The following CDC42BPB variants were observed in gnomAD, a reference collection of about 807,000 sequenced individuals.
CDC42BPB encodes CDC42 binding protein kinase beta.
A neutral mutation model predicts 214.9 loss-of-function variants in CDC42BPB; 37 were observed. The ratio of observed to expected loss-of-function variants is 0.17; its 90% CI spans 0.13 to 0.23. The LOEUF (loss-of-function observed/expected upper bound fraction) is 0.23. CDC42BPB is among the 10% of genes least tolerant of loss of function. The pLI, the probability that CDC42BPB is intolerant of heterozygous loss-of-function variation, is 1.00. For synonymous variants in CDC42BPB, 931 were observed against 884.0 expected, an observed-to-expected ratio of 1.05 and a Z score of -0.94; for missense variants, 1,694 against 2,227.0, an observed-to-expected ratio of 0.76 and a Z score of 4.82.
intron 28 of CDC42BPB, 120 bp downstream of exon 28, chr14:102,946,348 G>C: frequency 9.0e-7 from 1 of 1,109,758 alleles, no homozygotes; most frequent in Non-Finnish European, 1.3e-6. Flanking sequence ...CATGCATGGA[G>C]AAACTGTCTA....
At chr14:103,022,222 C>T (rs142705425) in intron 1 of CDC42BPB, among the ~76,000 whole-genome samples, 2,926 of 152,262 alleles carry the variant, frequency 0.019, 38 homozygotes, top group South Asian at 0.054. Flanking sequence ...CAGGAATTAC[C>T]TACTGGCTTT....
rs767221869 is a variant in CDC42BPB at position 102,968,513 on chromosome 14, G to C, written c.2199C>G (p.Ile733Met). 1 of 1,614,142 alleles carries C rather than the reference G, an allele frequency of 6.2e-7. No homozygotes were observed. Among genetic ancestry groups the C allele is most frequent in the Non-Finnish European group, 8.5e-7 (1 of 1,180,038 alleles). Residue 733 changes from isoleucine (I) to methionine (M), a missense_variant, in exon 15 of 37, where the codon ATC (isoleucine) becomes ATG (methionine). By Grantham distance (10) the Ile-to-Met change is conservative. Coordinates refer to ENST00000361246, the MANE Select transcript of CDC42BPB (RefSeq NM_006035.4). Reference sequence around the variant, plus strand: ...TTTCTAACTTATCTTTTAACATCAAGATTTCTTTCTGCAGGGCCAGCTGGT... The same window carrying C: ...TTTCTAACTTATCTTTTAACATCAACATTTCTTTCTGCAGGGCCAGCTGGT... ...ESHQLALQKE[I>M]LMLKDKLEKS... is the part of the protein sequence containing the mutation.
chr14:102,966,907 G>T, intron 17 of CDC42BPB, 139 bp downstream of exon 17: 1 of 962,030 alleles, frequency 1.0e-6, no homozygotes, highest in Non-Finnish European at 1.5e-6. Flanking sequence ...GAAGTTCTGG[G>T]GAACAGCAGT....
Position 102,983,738 on chromosome 14 carries a change from C to T in CDC42BPB, c.709G>A (p.Val237Met). ...GGCGAGATGTAGTCAGGTGTGCCCA[C>T]GGCCACGGAGGACTGCACCTTAGGG... ...DDGTVQSSVA[V>M]GTPDYISPEI... Residue 237 changes from valine (V) to methionine (M), a missense_variant, in exon 7 of 37, where the codon GTG becomes ATG. Val to Met is a conservative substitution (Grantham distance 21). Around this residue, in one of 7 missense-constraint regions of CDC42BPB, gnomAD observed 225 missense variants for 459.3 expected, o/e 0.49. Transcript: ENST00000361246. The T allele has an allele frequency of 6.2e-7, 1 of 1,613,206 alleles. No individual in the cohort carries two copies. Among genetic ancestry groups the T allele is most frequent in the Non-Finnish European group, 8.5e-7 (1 of 1,180,018 alleles).
chr14:103,010,523 A>G lies in CDC42BPB; in HGVS notation c.267+1574T>C, dbSNP rs903055978. ...CTGATTTGCCTTCTTTCACGTCTGC[A>G]CACTGGAAAATGCACGCCCTGCACA... On this transcript the variant is annotated intron_variant, in intron 2 of 36. Transcript: ENST00000361246. Among the ~76,000 whole-genome samples, 4 of 152,338 alleles carry G rather than the reference A, an allele frequency of 2.6e-5. No individual in the cohort carries two copies. In the East Asian group the frequency reaches 5.8e-4, roughly 22 times the overall value.
intron 1 of CDC42BPB, among the ~76,000 whole-genome samples, chr14:103,029,686 C>A (rs554440008): frequency 4.0e-5 from 6 of 151,268 alleles, no homozygotes; most frequent in Admixed American, 1.3e-4. Flanking sequence ...GAAACCCCGT[C>A]TCTACTAAAA....
At chr14:102,952,710 G>C (rs891193171) in intron 23 of CDC42BPB, 107 bp from the exon 24 acceptor site, 1 of 1,492,882 alleles carries the variant, frequency 6.7e-7, no homozygotes, top group African/African-American at 1.4e-5. Flanking sequence ...ATCCTGAAAA[G>C]GTGGAAATGT....
At position 102,938,302 on chromosome 14, in the gene CDC42BPB, G is replaced by T. The variant is rs55897890; in HGVS notation, c.4933+4C>A. On this transcript the variant is annotated splice_donor_region_variant and intron_variant, in intron 35 of 36. Transcript: ENST00000361246. ...GGGCTGCGGGGGCCAGGCTTCCCCT[G>T]TACCTGATGAGGGCCACGAGATGTA... The T allele has an allele frequency of 2.9e-4, 469 of 1,608,276 alleles. 2 individuals carry two copies. In the East Asian group the frequency reaches 6.0e-3, roughly 21 times the overall value.
intron 20 of CDC42BPB, among the ~76,000 whole-genome samples, chr14:102,962,434 C>T (rs952245994): frequency 2.0e-5 from 3 of 152,256 alleles, no homozygotes; most frequent in Admixed American, 2.0e-4. Context: ...CACGGCAGCG[C>T]ACAGTGCAGC....
chr14:102,947,211 T>C (rs1052228754), intron 27 of CDC42BPB, among the ~76,000 whole-genome samples: 4 of 152,222 alleles, frequency 2.6e-5, no homozygotes, highest in African/African-American at 9.6e-5. Context: ...ATCAAAATTT[T>C]GCTGTTTATA....
intron 1 of CDC42BPB, among the ~76,000 whole-genome samples, chr14:103,037,978 G>A (rs1425461065): frequency 6.6e-6 from 1 of 151,072 alleles, no homozygotes; most frequent in East Asian, 1.9e-4. Flanking sequence ...GCAGTGAGCC[G>A]AGATCATGCC....
chr14:103,004,041 G>C lies in CDC42BPB; in HGVS notation c.352-18C>G. 6.3e-7 allele frequency: 1 copy of C among 1,582,440 alleles called. No homozygotes were observed. The highest frequency in any genetic ancestry group is 8.6e-7 in the Non-Finnish European group (1 of 1,169,260). On this transcript the variant is annotated intron_variant, in intron 3 of 36. Transcript: ENST00000361246. The surrounding 1 kb of genome is among the most constrained non-coding windows in gnomAD (Gnocchi z 5.3). The stretch of plus-strand genomic sequence containing the variant: ...CACGCGGTCTGCAAAGCAACGAGGG[G>C]TGTCAGTCTGTGTTCACTGGGAAGC...
Position 102,943,231 on chromosome 14 carries a change from C to T in CDC42BPB, c.4408+660G>A, listed in dbSNP as rs569717615. Among the ~76,000 whole-genome samples the T allele has an allele frequency of 6.6e-6, 1 of 152,178 alleles. No homozygotes were observed. The highest frequency in any genetic ancestry group is 1.5e-5 in the Non-Finnish European group (1 of 68,030). Reference sequence around the variant, plus strand: ...TCAAGTGAGCCTCCTGCCTCAGTCTCGCACAGTGCTGGGATTACAGGTGTG... The same window carrying T: ...TCAAGTGAGCCTCCTGCCTCAGTCTTGCACAGTGCTGGGATTACAGGTGTG... On this transcript the variant is annotated intron_variant, in intron 30 of 36. Coordinates refer to ENST00000361246, the MANE Select transcript of CDC42BPB (RefSeq NM_006035.4). The surrounding 1 kb of genome is among the most constrained non-coding windows in gnomAD (Gnocchi z 4.6).
At chr14:103,029,279 C>A (rs1490081047) in intron 1 of CDC42BPB, among the ~76,000 whole-genome samples, 1 of 152,168 alleles carries the variant, frequency 6.6e-6, no homozygotes, top group Admixed American at 6.5e-5. Flanking sequence ...TGCTAAATTA[C>A]GCTTGTAATC....
At chr14:103,007,149 G>A (rs553988632) in intron 3 of CDC42BPB, among the ~76,000 whole-genome samples, 13 of 152,180 alleles carry the variant, frequency 8.5e-5, no homozygotes, top group Non-Finnish European at 1.5e-4. Flanking sequence ...CCAGGGGGCC[G>A]AAGCAATCAC....
At chr14:102,952,183 T>A (rs948459457) in intron 24 of CDC42BPB, among the ~76,000 whole-genome samples, 4 of 151,872 alleles carry the variant, frequency 2.6e-5, no homozygotes, top group Non-Finnish European at 5.9e-5. Context: ...CCCTCAACTC[T>A]CTACAAAAAA....
intron 1 of CDC42BPB, among the ~76,000 whole-genome samples, chr14:103,016,012 G>A (rs1039608532): frequency 2.6e-5 from 4 of 152,004 alleles, no homozygotes; most frequent in Admixed American, 6.5e-5. Flanking sequence ...CACTGCGCCC[G>A]GCCGAGGCTG....
At chr14:102,961,756 T>C (rs1892972514) in intron 20 of CDC42BPB, among the ~76,000 whole-genome samples, 1 of 152,216 alleles carries the variant, frequency 6.6e-6, no homozygotes, top group South Asian at 2.1e-4. Context: ...TTGGTCAGGC[T>C]GGTCTCGAAC....
rs1353876521 is a variant in CDC42BPB at position 102,980,650 on chromosome 14, ACT to A, written c.1140+121_1140+122del. 11 of 865,664 alleles carry A rather than the reference ACT, an allele frequency of 1.3e-5. 1 individual carries two copies. The East Asian group carries it at 2.7e-4, about 21-fold the overall frequency. 53.6% of individuals were successfully genotyped at this position (865,664 alleles called of 1,614,324 possible). A position where few individuals can be genotyped will look rare whatever the true frequency, so the allele number is the denominator to read the frequency against. On this transcript the variant is annotated intron_variant, in intron 8 of 36. Coordinates refer to ENST00000361246, the MANE Select transcript of CDC42BPB (RefSeq NM_006035.4). ...AGCTGAAGGCTGGAATAAAAAGCAC[ACT>A]GTCTTAAGTGCCAAATTTCACAGCT...
Sources: gnomAD v4.1 joint callset for allele counts (sites outside exome capture counted in the v4.1 genomes callset) on GRCh38, gnomAD v4.1.1 for gene constraint, gnomAD v4.1.1 regional missense constraint, Gnocchi (gnomAD v3.1) non-coding constraint, MANE v1.5 for transcripts, NCBI Gene and HGNC (gene_info 2026-07-23, HGNC 2026-07-21) for gene names.